Variants in AMD1 observed in about 807,000 individuals in gnomAD.
AMD1 encodes S-adenosylmethionine decarboxylase proenzyme.
Under a neutral mutation model 40.2 loss-of-function variants are expected in AMD1, and 11 were observed. The observed-to-expected ratio is 0.27, with a 90% confidence interval of 0.17 to 0.45. The LOEUF is 0.45. Among genes scored for constraint, AMD1 ranks in the 20% least tolerant of loss-of-function variants. AMD1 has a pLI of 1.00. For missense variants in AMD1, 257 were observed against 410.2 expected (o/e 0.63, Z 3.23); for synonymous variants, 121 against 130.8 (o/e 0.93, Z 0.51).
chr6:110,869,323 G>C, the AMD1 span, among the ~76,000 whole-genome samples: 1 of 151,412 alleles, frequency 6.6e-6, no homozygotes, highest in East Asian at 2.0e-4. Flanking sequence ...TAGTAGAGAC[G>C]GGGTTTCACC....
chr6:110,852,056 GTT>G, the AMD1 span, among the ~76,000 whole-genome samples: 14 of 137,634 alleles, frequency 1.0e-4, no homozygotes, highest in African/African-American at 1.1e-4. Flanking sequence ...AGATTTTTTT[GTT>G]TTTTTTTTTT....
the AMD1 span, among the ~76,000 whole-genome samples, chr6:110,828,591 G>A: frequency 6.6e-6 from 1 of 152,216 alleles, no homozygotes; most frequent in Non-Finnish European, 1.5e-5. Context: ...TGCAAATCTT[G>A]CAAGTCAGGT....
In AMD1 at chr6:110,892,727, C is replaced by CT. The variant is rs1554238011; in HGVS notation, c.616-8_616-7insT. ...CCCTTGTTAAACTCGGTCTTTTTCC[C>CT]CCCCCAGGAGAGTGGAATTCGTGAC... On this transcript the variant is annotated splice_region_variant and splice_polypyrimidine_tract_variant and intron_variant, in intron 6 of 8. Transcript: ENST00000368885. 6.2e-7 allele frequency: 1 copy of CT among 1,606,860 alleles called. No individual in the cohort carries two copies. Among genetic ancestry groups the CT allele is most frequent in the African/African-American group, 1.3e-5 (1 of 74,646 alleles).
the AMD1 span, among the ~76,000 whole-genome samples, chr6:110,827,063 C>T: frequency 1.3e-3 from 197 of 152,234 alleles, 1 homozygote; most frequent in Non-Finnish European, 2.9e-4. Context: ...CCAGCATAAC[C>T]TCATTTTAAC....
chr6:110,818,766 G>A, the AMD1 span, among the ~76,000 whole-genome samples: 1 of 152,178 alleles, frequency 6.6e-6, no homozygotes, highest in African/African-American at 2.4e-5. Flanking sequence ...TTGAACTCCT[G>A]GCATCAAGTG....
chr6:110,875,257 T>TGTC (rs1317609234), intron 1 of AMD1, 42 bp downstream of exon 1: 2 of 1,492,184 alleles, frequency 1.3e-6, no homozygotes, highest in Admixed American at 3.9e-5. Context: ...GCCTGGGGGC[T>TGTC]GTCGCCGCCG....
intron 1 of AMD1, among the ~76,000 whole-genome samples, chr6:110,882,397 C>G (rs1219983823): frequency 6.6e-6 from 1 of 152,198 alleles, no homozygotes; most frequent in East Asian, 1.9e-4. Flanking sequence ...TTACTCAGCT[C>G]TGCCCTTATA....
At chr6:110,841,330 G>C in the AMD1 span, among the ~76,000 whole-genome samples, 6 of 152,266 alleles carry the variant, frequency 3.9e-5, no homozygotes, top group South Asian at 4.2e-4. Flanking sequence ...TCCTTGCTTT[G>C]TGCTAATAAT....
the AMD1 span, among the ~76,000 whole-genome samples, chr6:110,823,389 G>A: frequency 6.6e-6 from 1 of 152,150 alleles, no homozygotes; most frequent in Admixed American, 6.5e-5. Flanking sequence ...CATCAGGCAA[G>A]AGAAAGGAAT....
the AMD1 span, among the ~76,000 whole-genome samples, chr6:110,827,457 C>G: frequency 6.6e-6 from 1 of 151,876 alleles, no homozygotes; most frequent in Non-Finnish European, 1.5e-5. Context: ...TGTTTTCTTT[C>G]TATAAAGGAG....
chr6:110,849,020 T>C, the AMD1 span, among the ~76,000 whole-genome samples: 1 of 152,128 alleles, frequency 6.6e-6, no homozygotes, highest in Non-Finnish European at 1.5e-5. Flanking sequence ...TAAAAAATGA[T>C]TGATTCTAGA....
chr6:110,858,964 C>G, the AMD1 span: 53 of 1,103,062 alleles, frequency 4.8e-5, no homozygotes, highest in Non-Finnish European at 6.4e-5. Context: ...TCCTCCATGT[C>G]GCTGCAGATG....
the AMD1 span, chr6:110,848,735 G>A: frequency 1.1e-5 from 3 of 273,924 alleles, no homozygotes; most frequent in Non-Finnish European, 2.2e-5. Context: ...TCCCAGGCCA[G>A]GCACAGTGGC....
At chr6:110,889,156 T>TA (rs1364370615) in intron 3 of AMD1, 173 bp downstream of exon 3, 2 of 578,666 alleles carry the variant, frequency 3.5e-6, no homozygotes, top group Non-Finnish European at 5.1e-6. Flanking sequence ...CAGCAGAAAA[T>TA]AGGAAGCAGA....
chr6:110,882,373 ACAGT>A (rs1483946902), intron 1 of AMD1, among the ~76,000 whole-genome samples: 1 of 148,810 alleles, frequency 6.7e-6, no homozygotes, highest in Non-Finnish European at 1.5e-5. Flanking sequence ...TGCAAGGCAG[ACAGT>A]CTGTTGCAAT....
chr6:110,844,428 G>C, the AMD1 span, among the ~76,000 whole-genome samples: 1 of 151,548 alleles, frequency 6.6e-6, no homozygotes, highest in Non-Finnish European at 1.5e-5. Flanking sequence ...AAAGTGCTGG[G>C]ATTATAGGCA....
chr6:110,876,265 G>T (rs538201584), intron 1 of AMD1, among the ~76,000 whole-genome samples: 1 of 152,334 alleles, frequency 6.6e-6, no homozygotes, highest in Admixed American at 6.5e-5. Flanking sequence ...GGCCACCAAT[G>T]GCCTTCCTAG....
the AMD1 span, among the ~76,000 whole-genome samples, chr6:110,847,292 G>A: frequency 1.3e-5 from 2 of 152,068 alleles, no homozygotes; most frequent in East Asian, 1.9e-4. Flanking sequence ...TTGGGAGGCC[G>A]AGGCAGGCGG....
the AMD1 span, chr6:110,859,270 G>T: frequency 5.2e-6 from 2 of 381,540 alleles, no homozygotes; most frequent in East Asian, 5.1e-5. Flanking sequence ...TCTGTGAGTG[G>T]CGGTGTGGGA....
Sources: allele counts gnomAD v4.1 joint callset (sites outside exome capture counted in the v4.1 genomes callset), GRCh38; gene constraint gnomAD v4.1.1; transcripts MANE v1.5; gene names NCBI Gene and HGNC (gene_info 2026-07-23, HGNC 2026-07-21).